Variants in SLC9A9 observed in about 807,000 individuals in gnomAD.
The protein encoded by SLC9A9 is sodium/hydrogen exchanger 9.
Under a neutral mutation model 77.8 loss-of-function variants are expected in SLC9A9, and 62 were observed. That is an observed-to-expected ratio of 0.80 (90% confidence interval 0.65 to 0.98). The LOEUF (loss-of-function observed/expected upper bound fraction) is 0.98, where lower values mean the gene tolerates loss of function less well. Ranked by LOEUF, SLC9A9 falls within the 50% of genes least tolerant of loss-of-function variation. SLC9A9 has a pLI of 0.00. For synonymous variants in SLC9A9, 320 were observed against 283.5 expected, an observed-to-expected ratio of 1.13 and a Z score of -1.29; for missense variants, 775 against 774.9, an observed-to-expected ratio of 1.00 and a Z score of 0.00.
chr3:143,800,289 C>A (rs982610704), intron 2 of SLC9A9, among the ~76,000 whole-genome samples: 4 of 152,118 alleles, frequency 2.6e-5, no homozygotes. Flanking sequence ...CATCCTACAG[C>A]ACGCTTTAAA....
intron 9 of SLC9A9, among the ~76,000 whole-genome samples, chr3:143,513,003 G>A (rs1294836679): frequency 6.6e-6 from 1 of 152,160 alleles, no homozygotes; most frequent in Non-Finnish European, 1.5e-5. Flanking sequence ...CCTAGTGGAG[G>A]GTCTTAACCT....
chr3:143,618,502 T>C (rs1220452666), intron 6 of SLC9A9, among the ~76,000 whole-genome samples: 1 of 152,148 alleles, frequency 6.6e-6, no homozygotes. Context: ...ACCACAGACA[T>C]CCCACAGGGG....
At chr3:143,414,243 A>G (rs2108522182) in intron 12 of SLC9A9, among the ~76,000 whole-genome samples, 1 of 152,256 alleles carries the variant, frequency 6.6e-6, no homozygotes, top group Middle Eastern at 3.4e-3. Context: ...TATGTATCTT[A>G]TGTGTGTATG....
chr3:143,720,988 C>A (rs554164976), intron 4 of SLC9A9, among the ~76,000 whole-genome samples: 1 of 152,136 alleles, frequency 6.6e-6, no homozygotes, highest in East Asian at 1.9e-4. Flanking sequence ...GTAAGAGGAC[C>A]ACTTGAGCCC....
intron 11 of SLC9A9, among the ~76,000 whole-genome samples, chr3:143,479,187 G>T (rs116777030): frequency 6.6e-6 from 1 of 152,176 alleles, no homozygotes; most frequent in African/African-American, 2.4e-5. Flanking sequence ...GAACTTGTTG[G>T]GGTGGGGGCA....
chr3:143,437,716 A>C (rs561290695), intron 12 of SLC9A9, among the ~76,000 whole-genome samples: 1 of 152,246 alleles, frequency 6.6e-6, no homozygotes, highest in South Asian at 2.1e-4. Flanking sequence ...CCCCACCCCC[A>C]GTCACTAAAC....
At chr3:143,693,811 T>C (rs1933550073) in intron 4 of SLC9A9, among the ~76,000 whole-genome samples, 1 of 152,122 alleles carries the variant, frequency 6.6e-6, no homozygotes, top group South Asian at 2.1e-4. Flanking sequence ...GCTAGTGGTG[T>C]CAGGACACTT....
intron 4 of SLC9A9, among the ~76,000 whole-genome samples, chr3:143,777,765 A>T (rs2007739932): frequency 6.8e-6 from 1 of 146,404 alleles, no homozygotes; most frequent in Non-Finnish European, 1.5e-5. Flanking sequence ...CCCAGGCTGG[A>T]GTGCAGTGGT....
At chr3:143,672,266 G>C (rs2039168295) in intron 5 of SLC9A9, among the ~76,000 whole-genome samples, 1 of 151,972 alleles carries the variant, frequency 6.6e-6, no homozygotes. Flanking sequence ...CACCAGTGAT[G>C]AGAAACCACA....
At chr3:143,583,848 AC>A (rs749065923) in intron 6 of SLC9A9, among the ~76,000 whole-genome samples, 3 of 152,108 alleles carry the variant, frequency 2.0e-5, no homozygotes, top group Non-Finnish European at 4.4e-5. Flanking sequence ...AGATTTTACC[AC>A]CTGTCTCTCC....
At chr3:143,448,679 C>T (rs965538302) in intron 12 of SLC9A9, among the ~76,000 whole-genome samples, 1 of 150,592 alleles carries the variant, frequency 6.6e-6, no homozygotes, top group Non-Finnish European at 1.5e-5. Context: ...TTTCTAATTC[C>T]ATTTTTAAGA....
chr3:143,469,591 G>C (rs2035342661), intron 11 of SLC9A9, among the ~76,000 whole-genome samples: 1 of 152,122 alleles, frequency 6.6e-6, no homozygotes, highest in Non-Finnish European at 1.5e-5. Flanking sequence ...CCTGGTTTTT[G>C]TTTCTAGGTT....
intron 4 of SLC9A9, among the ~76,000 whole-genome samples, chr3:143,705,603 A>T (rs1274457332): frequency 1.3e-5 from 2 of 152,218 alleles, no homozygotes; most frequent in African/African-American, 2.4e-5. Context: ...AATTAAAAAT[A>T]AAAAATAAAT....
intron 14 of SLC9A9, among the ~76,000 whole-genome samples, chr3:143,350,471 C>CTTGT (rs1389579096): frequency 1.3e-5 from 2 of 152,182 alleles, no homozygotes; most frequent in African/African-American, 4.8e-5. Context: ...GTGAACACAT[C>CTTGT]TTGTTAGTCT....
At chr3:143,615,897 T>TG (rs1363856333) in intron 6 of SLC9A9, among the ~76,000 whole-genome samples, 1 of 151,362 alleles carries the variant, frequency 6.6e-6, no homozygotes, top group Non-Finnish European at 1.5e-5. Flanking sequence ...TTTTTTTTTT[T>TG]TGTGACAGAG....
chr3:143,448,894 ATAATATATAATATGATATATATTATATAT>A lies in SLC9A9; in HGVS notation c.1469+18114_1469+18142del, dbSNP rs1350986662. ...TATAATATGATATATATTATATATT[ATAATATATAATATGATATATATTATATAT>A]TATAATATATAATATGATATATAAT... On this transcript the variant is annotated intron_variant, in intron 12 of 15. Transcript: ENST00000316549. Among the ~76,000 whole-genome samples, 2,685 of 35,064 alleles carry A rather than the reference ATAATATATAATATGATATATATTATATAT, an allele frequency of 0.077. 1,279 individuals carry two copies. In the East Asian group the frequency reaches 0.81, roughly 11 times the overall value. The allele number at this position is 35,064 out of a possible 152,430, so 23.0% of individuals were successfully genotyped here. A position where few individuals can be genotyped will look rare whatever the true frequency, so the allele number is the denominator to read the frequency against.
chr3:143,392,932 C>A (rs373204475), intron 12 of SLC9A9, among the ~76,000 whole-genome samples: 1 of 152,122 alleles, frequency 6.6e-6, no homozygotes, highest in Non-Finnish European at 1.5e-5. Context: ...ACAGGAACAC[C>A]CAGATTCATA....
At chr3:143,722,682 T>A (rs1370637810) in intron 4 of SLC9A9, among the ~76,000 whole-genome samples, 1 of 152,076 alleles carries the variant, frequency 6.6e-6, no homozygotes, top group Non-Finnish European at 1.5e-5. Context: ...TCTGGTGACA[T>A]TTTCTTTTCA....
intron 5 of SLC9A9, among the ~76,000 whole-genome samples, chr3:143,681,880 A>T (rs1933109873): frequency 6.6e-6 from 1 of 152,194 alleles, no homozygotes; most frequent in Non-Finnish European, 1.5e-5. Context: ...CCTGGAGGAG[A>T]TAGGTCCCTT....
Sources: allele counts gnomAD v4.1 joint callset (sites outside exome capture counted in the v4.1 genomes callset), GRCh38; gene constraint gnomAD v4.1.1; transcripts MANE v1.5; gene names NCBI Gene and HGNC (gene_info 2026-07-23, HGNC 2026-07-21).